The following DGLUCY variants were observed in gnomAD, a reference collection of about 807,000 sequenced individuals.
The protein encoded by DGLUCY is D-glutamate cyclase, mitochondrial.
DGLUCY carries 58 observed loss-of-function variants against 58.5 expected under a neutral mutation model. The observed-to-expected ratio is 0.99, with a 90% CI of 0.80 to 1.23. DGLUCY has a LOEUF of 1.23. Among genes scored for constraint, DGLUCY ranks in the 50% most tolerant of loss-of-function variants. The probability of loss-of-function intolerance (pLI) is 0.00; values close to 1 mark genes in which losing one functional copy is unlikely to be tolerated. For missense variants in DGLUCY, 779 were observed against 784.7 expected, an observed-to-expected ratio of 0.99 and a Z score of 0.09; for synonymous variants, 325 against 314.1, an observed-to-expected ratio of 1.03 and a Z score of -0.37.
chr14:91,077,194 C>T (rs1347022294), intron 1 of DGLUCY, among the ~76,000 whole-genome samples: 3 of 151,328 alleles, frequency 2.0e-5, no homozygotes, highest in Admixed American at 6.6e-5. Context: ...CGCAGTGAGC[C>T]GTGATCGTGC....
In DGLUCY at chr14:91,179,823, T is replaced by C. The variant is rs572089089; in HGVS notation, c.731-1363T>C. Among the ~76,000 whole-genome samples, 109 of 151,312 alleles carry C rather than the reference T, an allele frequency of 7.2e-4. 1 individual carries two copies. Among genetic ancestry groups the C allele is most frequent in the African/African-American group, 2.5e-3 (105 of 41,328 alleles). ...GCTTACTCTGAAACAAGCACTTTGC[T>C]GAACACTTTCTTAAAAATTTATTTT... is the stretch of plus-strand genomic sequence containing the variant. On this transcript the variant is annotated intron_variant, in intron 7 of 13. Transcript: ENST00000256324.
intron 13 of DGLUCY, among the ~76,000 whole-genome samples, chr14:91,217,695 C>T (rs1886792339): frequency 1.3e-5 from 2 of 152,046 alleles, no homozygotes; most frequent in East Asian, 1.9e-4. Flanking sequence ...TCCAAGTTGG[C>T]GAGGCTGGTC....
chr14:91,160,251 C>A lies in DGLUCY; in HGVS notation c.-29-15C>A. On this transcript the variant is annotated splice_polypyrimidine_tract_variant and intron_variant, in intron 2 of 13. Transcript: ENST00000256324. ...CCACACTTTCTAATTTGTTCCCTTT[C>A]CTTCCCTCACCCAGATTCTCTGCTA... 1 of 1,498,380 alleles carries A rather than the reference C, an allele frequency of 6.7e-7. No homozygotes were observed. The highest frequency in any genetic ancestry group is 9.3e-7 in the Non-Finnish European group (1 of 1,075,586). 92.8% of individuals were successfully genotyped at this position (1,498,380 alleles called of 1,614,324 possible). A position where few individuals can be genotyped will look rare whatever the true frequency, so the allele number is the denominator to read the frequency against.
intron 13 of DGLUCY, among the ~76,000 whole-genome samples, chr14:91,222,365 CAG>C (rs758486420): frequency 5.9e-5 from 9 of 152,160 alleles, no homozygotes; most frequent in Admixed American, 5.2e-4. Flanking sequence ...GTGAGGGAAA[CAG>C]TGTGCTGTGA....
intron 1 of DGLUCY, among the ~76,000 whole-genome samples, chr14:91,065,274 T>C (rs1027453774): frequency 6.6e-5 from 10 of 152,118 alleles, no homozygotes; most frequent in African/African-American, 2.4e-4. Context: ...ATCAGGATAG[T>C]GAAGTGTCTT....
intron 1 of DGLUCY, among the ~76,000 whole-genome samples, chr14:91,139,603 T>G (rs1011381918): frequency 1.3e-5 from 2 of 152,170 alleles, no homozygotes; most frequent in Admixed American, 1.3e-4. Context: ...TAGAATAGCT[T>G]GAACTCGGGA....
intron 8 of DGLUCY, among the ~76,000 whole-genome samples, chr14:91,183,655 G>A (rs887260320): frequency 2.0e-5 from 3 of 152,144 alleles, no homozygotes; most frequent in African/African-American, 7.2e-5. Context: ...GTGACTCTAC[G>A]TGGAGGCAGC....
rs113735532 is a variant in DGLUCY, at chr14:91,215,460, A to C, written c.1620A>C (p.Ser540=). The C allele has an allele frequency of 2.5e-6, 4 of 1,614,064 alleles. No individual in the cohort carries two copies. Among genetic ancestry groups the C allele is most frequent in the Non-Finnish European group, 3.4e-6 (4 of 1,180,020 alleles). The change falls in exon 13 of 14, where the codon TCA becomes TCC. Residue 540 remains serine, a synonymous_variant. Coordinates refer to ENST00000256324, the MANE Select transcript of DGLUCY (RefSeq NM_001102368.3). The part of the protein sequence containing the change: ...ALACALYILY[S]CAVHSQYLRK... The stretch of plus-strand genomic sequence containing the variant: ...CCTGCGCACTCTACATCCTGTACTC[A>C]TGTGCTGTCCACAGTCAGTACCTGA...
At chr14:91,149,963 G>A (rs957771769) in intron 1 of DGLUCY, among the ~76,000 whole-genome samples, 8 of 152,132 alleles carry the variant, frequency 5.3e-5, no homozygotes, top group Admixed American at 1.3e-4. Context: ...GCTCACACCT[G>A]TAATCCCAGC....
chr14:91,168,922 A>G (rs960668940), intron 4 of DGLUCY, among the ~76,000 whole-genome samples: 2 of 152,092 alleles, frequency 1.3e-5, no homozygotes, highest in Non-Finnish European at 2.9e-5. Context: ...CGCTGTCTCT[A>G]CTAAAAATAC....
At position 91,208,485 on chromosome 14, in the gene DGLUCY, A is replaced by T. The variant is rs547122438; in HGVS notation, c.1564+3660A>T. ...AATGACAGGCCAGGCACGGTGGCTC[A>T]CGCCTGTAATCGTAGCACTTTGGGA... On this transcript the variant is annotated intron_variant, in intron 12 of 13. Coordinates refer to ENST00000256324, the MANE Select transcript of DGLUCY (RefSeq NM_001102368.3). 2.0e-5 allele frequency among the ~76,000 whole-genome samples: 3 copies of T among 152,322 alleles called. No individual in the cohort carries two copies. The South Asian group carries it at 6.2e-4, about 32-fold the overall frequency.
chr14:91,217,483 C>CTT (rs11306803), intron 13 of DGLUCY, among the ~76,000 whole-genome samples: 4 of 123,158 alleles, frequency 3.2e-5, no homozygotes, highest in East Asian at 2.4e-4. Flanking sequence ...CCTTTTCTGT[C>CTT]TTTTTTTTTT....
intron 8 of DGLUCY, among the ~76,000 whole-genome samples, chr14:91,184,046 G>T (rs1357773577): frequency 6.6e-6 from 1 of 151,936 alleles, no homozygotes. Context: ...GTGGGCCAGT[G>T]GGAAGATCTA....
chr14:91,108,522 TGTGTGAGAGAGAGA>T (rs1415481009), intron 1 of DGLUCY, among the ~76,000 whole-genome samples: 1 of 73,848 alleles, frequency 1.4e-5, no homozygotes, highest in African/African-American at 4.4e-5. Context: ...TGTGTGTGTG[TGTGTGAGAGAGAGA>T]GAGAGAGAGA....
chr14:91,158,724 A>G (rs1278635499), intron 2 of DGLUCY: 2 of 152,102 alleles, frequency 1.3e-5, no homozygotes, highest in Non-Finnish European at 2.9e-5. Flanking sequence ...TTGTGCCACT[A>G]TGCTAGGCAC....
chr14:91,078,873 AATT>A (rs917020178), intron 1 of DGLUCY, among the ~76,000 whole-genome samples: 18 of 101,184 alleles, frequency 1.8e-4, no homozygotes, highest in African/African-American at 4.7e-4. Context: ...ATTTATTTTT[AATT>A]TTTATTTATT....
intron 1 of DGLUCY, among the ~76,000 whole-genome samples, chr14:91,088,894 G>T (rs2044264619): frequency 6.6e-6 from 1 of 152,182 alleles, no homozygotes; most frequent in South Asian, 2.1e-4. Context: ...CCTTTCTTCT[G>T]TTCCAAGGCC....
chr14:91,175,973 G>A lies in DGLUCY; in HGVS notation c.647G>A (p.Gly216Glu). The A allele has an allele frequency of 7.4e-6, 12 of 1,614,050 alleles. No homozygotes were observed. The highest frequency in any genetic ancestry group is 1.7e-4 in the Middle Eastern group (1 of 6,060). Reference sequence around the variant, plus strand: ...AAAGAGCTTTCCAAACCTGCCTACGGGGATGCCATGGTGTGTCCCCCAGGG... The same window carrying A: ...AAAGAGCTTTCCAAACCTGCCTACGAGGATGCCATGGTGTGTCCCCCAGGG... ...GIKELSKPAY[G>E]DAMVCPPGEV... Residue 216 changes from glycine to glutamate, a missense_variant, in exon 7 of 14, where the codon GGG becomes GAG. By Grantham distance (98) the Gly-to-Glu change is moderately conservative. Coordinates refer to ENST00000256324, the MANE Select transcript of DGLUCY (RefSeq NM_001102368.3).
intron 1 of DGLUCY, among the ~76,000 whole-genome samples, chr14:91,115,970 T>A (rs2044914407): frequency 1.3e-5 from 2 of 152,224 alleles, no homozygotes; most frequent in Non-Finnish European, 2.9e-5. Flanking sequence ...CCTGCCTGGT[T>A]CCTGTGGGCA....
Sources: gnomAD v4.1 joint callset for allele counts (sites outside exome capture counted in the v4.1 genomes callset) on GRCh38, gnomAD v4.1.1 for gene constraint, MANE v1.5 for transcripts, NCBI Gene and HGNC (gene_info 2026-07-23, HGNC 2026-07-21) for gene names.